The following ERC1 variants were observed in gnomAD, a reference collection of about 807,000 sequenced individuals.
ERC1 encodes ELKS/RAB6-interacting/CAST family member 1, also known as RAB6 interacting protein 2.
ERC1 carries 56 observed loss-of-function variants against 132.0 expected under a neutral mutation model. That is an observed-to-expected ratio of 0.42 (90% confidence interval 0.34 to 0.53). The LOEUF (loss-of-function observed/expected upper bound fraction) is 0.53, where lower values mean the gene tolerates loss of function less well. Ranked by LOEUF, ERC1 falls within the 20% of genes least tolerant of loss-of-function variation. ERC1 has a pLI of 0.03. For missense variants in ERC1, 1,202 were observed against 1,349.9 expected, an observed-to-expected ratio of 0.89 and a Z score of 1.72; for synonymous variants, 478 against 476.1, an observed-to-expected ratio of 1.00 and a Z score of -0.05.
At chr12:1,253,761 A>C (rs1198408146) in intron 13 of ERC1, among the ~76,000 whole-genome samples, 1 of 152,170 alleles carries the variant, frequency 6.6e-6, no homozygotes, top group Admixed American at 6.5e-5. Context: ...ATCAAGAAGT[A>C]AAGTTCTGAG....
chr12:1,306,360 C>A (rs951792035), intron 15 of ERC1, among the ~76,000 whole-genome samples: 1 of 152,146 alleles, frequency 6.6e-6, no homozygotes, highest in Non-Finnish European at 1.5e-5. Flanking sequence ...TTGCTCCACC[C>A]GTTAATACTG....
chr12:1,127,405 G>A (rs2154234612), intron 7 of ERC1, among the ~76,000 whole-genome samples: 1 of 152,194 alleles, frequency 6.6e-6, no homozygotes, highest in Middle Eastern at 3.4e-3. Flanking sequence ...CTAGGGGGTT[G>A]GATAAATAAA....
intron 2 of ERC1, among the ~76,000 whole-genome samples, chr12:1,070,867 C>T (rs949961488): frequency 1.3e-5 from 2 of 152,182 alleles, no homozygotes; most frequent in Admixed American, 6.5e-5. Flanking sequence ...TCGCATCATC[C>T]CTGCCCCGCA....
intron 14 of ERC1, 150 bp from the exon 15 acceptor site, chr12:1,289,702 C>T (rs1042870966): frequency 1.7e-6 from 1 of 601,388 alleles, no homozygotes; most frequent in Non-Finnish European, 3.0e-6. Flanking sequence ...GATATATACA[C>T]ACACATAACT....
chr12:1,139,024 G>A (rs959094062), intron 7 of ERC1, among the ~76,000 whole-genome samples: 10 of 152,158 alleles, frequency 6.6e-5, no homozygotes, highest in Non-Finnish European at 1.5e-4. Flanking sequence ...AAGAAAATAC[G>A]ATACCTGAGA....
chr12:1,444,734 A>G lies in ERC1; in HGVS notation c.3197A>G (p.Lys1066Arg). The change falls in exon 18 of 19, where the codon AAG becomes AGG. Residue 1066 changes from lysine (K) to arginine (R), a missense_variant. Physicochemically the swap from Lys to Arg is conservative, Grantham distance 26. Coordinates refer to ENST00000360905, the MANE Select transcript of ERC1 (RefSeq NM_178040.4). ...GCGGCTTGGGAGAATGAGCTGCAGA[A>G]GATGACCCGGGGGCAGGTGAGCCTC... Reference protein sequence around the residue: ...DQAAWENELQKMTRGQLQDEL... With the variant: ...DQAAWENELQRMTRGQLQDEL... 6.2e-7 allele frequency: 1 copy of G among 1,613,922 alleles called. No individual in the cohort carries two copies. Among genetic ancestry groups the G allele is most frequent in the Middle Eastern group, 1.7e-4 (1 of 6,058 alleles).
chr12:1,007,384 C>T (rs995854985), intron 1 of ERC1, among the ~76,000 whole-genome samples: 15 of 151,898 alleles, frequency 9.9e-5, no homozygotes, highest in African/African-American at 3.4e-4. Context: ...CCCACTAAAG[C>T]CTAAAAACTA....
chr12:1,007,400 G>C (rs1313132209), intron 1 of ERC1, among the ~76,000 whole-genome samples: 1 of 152,134 alleles, frequency 6.6e-6, no homozygotes, highest in Non-Finnish European at 1.5e-5. Flanking sequence ...AACTAAAGTA[G>C]TGACAGTGGG....
chr12:1,417,847 T>G (rs1591908137), intron 17 of ERC1, among the ~76,000 whole-genome samples: 1 of 149,496 alleles, frequency 6.7e-6, no homozygotes, highest in Non-Finnish European at 1.5e-5. Flanking sequence ...AAATAAAGAG[T>G]AAATGATGGA....
At position 1,197,122 on chromosome 12, in the gene ERC1, A is replaced by G. The variant is rs188309039; in HGVS notation, c.2351+7070A>G. Among the ~76,000 whole-genome samples the G allele has an allele frequency of 2.6e-3, 390 of 151,614 alleles. 1 individual carries two copies. The highest frequency in any genetic ancestry group is 9.1e-3 in the African/African-American group (376 of 41,312). On this transcript the variant is annotated intron_variant, in intron 12 of 18. Coordinates refer to ENST00000360905, the MANE Select transcript of ERC1 (RefSeq NM_178040.4). ...CAGCCTTCCGAGTAGCTGGGAATAC[A>G]GGCATACACCACCATGCCCAGCTAA...
intron 8 of ERC1, among the ~76,000 whole-genome samples, chr12:1,167,017 C>T (rs773153956): frequency 1.3e-5 from 2 of 152,100 alleles, no homozygotes; most frequent in African/African-American, 4.8e-5. Flanking sequence ...TTATCTGTGT[C>T]GTTTCTCATC....
At chr12:1,112,353 G>A (rs1358162083) in intron 6 of ERC1, 55 bp downstream of exon 6, 1 of 1,291,580 alleles carries the variant, frequency 7.7e-7, no homozygotes, top group African/African-American at 1.5e-5. Context: ...GTGGGACCCT[G>A]CTAGCTCTAT....
chr12:1,474,108 G>A (rs546874574), intron 18 of ERC1, among the ~76,000 whole-genome samples: 2 of 152,302 alleles, frequency 1.3e-5, no homozygotes, highest in East Asian at 3.9e-4. Flanking sequence ...GGGCTTGTGG[G>A]CCAGACCTGG....
chr12:1,353,176 G>A (rs546656916), intron 15 of ERC1, among the ~76,000 whole-genome samples: 32 of 151,722 alleles, frequency 2.1e-4, no homozygotes, highest in African/African-American at 6.8e-4. Flanking sequence ...GACTACAGGC[G>A]CCCGCCACCA....
intron 16 of ERC1, among the ~76,000 whole-genome samples, chr12:1,396,731 C>CT (rs2090573538): frequency 6.6e-6 from 1 of 152,106 alleles, no homozygotes; most frequent in Non-Finnish European, 1.5e-5. Flanking sequence ...TGCCCAGGGG[C>CT]TAGCAGACGT....
intron 12 of ERC1, among the ~76,000 whole-genome samples, chr12:1,199,983 C>T (rs904960921): frequency 1.3e-5 from 2 of 150,792 alleles, no homozygotes; most frequent in Admixed American, 1.3e-4. Flanking sequence ...GATTTTTAAT[C>T]TGGGAGTGTT....
At chr12:1,109,770 G>A (rs561112861) in intron 4 of ERC1, among the ~76,000 whole-genome samples, 6 of 152,350 alleles carry the variant, frequency 3.9e-5, no homozygotes, top group Non-Finnish European at 8.8e-5. Context: ...GGCACTGGCT[G>A]GGCATGGTGG....
Position 1,289,943 on chromosome 12 carries a change from A to C in ERC1, c.2711A>C (p.Glu904Ala). The change falls in exon 15 of 19, where the codon GAA becomes GCA. Residue 904 changes from glutamate to alanine, a missense_variant. Physicochemically the swap from Glu to Ala is moderately radical, Grantham distance 107 (BLOSUM62 -1). Transcript: ENST00000360905. ...TCCTCCACCCAGCAGTCTCTGGCAG[A>C]AAAGGAAACTCACTTGACTAATCTT... ...KLSSTQQSLA[E>A]KETHLTNLRA... 1 of 1,614,136 alleles carries C rather than the reference A, an allele frequency of 6.2e-7. No individual in the cohort carries two copies. Among genetic ancestry groups the C allele is most frequent in the Non-Finnish European group, 8.5e-7 (1 of 1,179,956 alleles).
At chr12:1,076,900 A>T (rs1395959364) in intron 2 of ERC1, among the ~76,000 whole-genome samples, 1 of 152,204 alleles carries the variant, frequency 6.6e-6, no homozygotes, top group Admixed American at 6.5e-5. Context: ...CAAAGAATTA[A>T]ATTGCAGATC....
Sources: allele counts gnomAD v4.1 joint callset (sites outside exome capture counted in the v4.1 genomes callset), GRCh38; gene constraint gnomAD v4.1.1; transcripts MANE v1.5; gene names NCBI Gene and HGNC (gene_info 2026-07-23, HGNC 2026-07-21).